The following FBXO7 variants were observed in gnomAD, a reference collection of about 807,000 sequenced individuals.
FBXO7 encodes the protein F-box only protein 7.
Under a neutral mutation model 50.2 loss-of-function variants are expected in FBXO7, and 31 were observed. The observed-to-expected ratio is 0.62, with a 90% CI of 0.46 to 0.83. The LOEUF is 0.83. FBXO7 is among the 40% of genes least tolerant of loss of function. The probability of loss-of-function intolerance (pLI) is 0.00; values close to 1 mark genes in which losing one functional copy is unlikely to be tolerated. For synonymous variants in FBXO7, 256 were observed against 253.1 expected (o/e 1.01, Z -0.11); for missense variants, 667 against 646.6 (o/e 1.03, Z -0.34).
At position 32,493,190 on chromosome 22, in the gene FBXO7, C is replaced by G; in HGVS notation, c.1053C>G (p.Ser351=). ...TCTTCCGACTTCTGGATGTTCGTTC[C>G]GTCTTGTCTTTGTCTGCGGTTTGTC... ...LRIFRLLDVR[S]VLSLSAVCRD... Residue 351 remains serine, a synonymous_variant, in exon 7 of 9, where the codon TCC becomes TCG. Transcript: ENST00000266087. The G allele has an allele frequency of 6.2e-7, 1 of 1,614,128 alleles. No individual in the cohort carries two copies. Among genetic ancestry groups the G allele is most frequent in the East Asian group, 2.2e-5 (1 of 44,874 alleles).
intron 1 of FBXO7, chr22:32,475,664 G>C (rs2057423437): frequency 2.1e-6 from 1 of 486,616 alleles, no homozygotes; most frequent in Non-Finnish European, 3.6e-6. Context: ...AACAATTTTA[G>C]ATTCTGTTGT....
At chr22:32,475,376 C>G (rs1390649093) in intron 1 of FBXO7, 1 of 1,610,962 alleles carries the variant, frequency 6.2e-7, no homozygotes, top group Non-Finnish European at 8.5e-7. Context: ...CCCGGCCTCC[C>G]GGGGGCTCTG....
chr22:32,475,260 G>T, intron 1 of FBXO7, 136 bp downstream of exon 1: 1 of 1,557,936 alleles, frequency 6.4e-7, no homozygotes, highest in South Asian at 1.2e-5. Context: ...GACGCCGGGG[G>T]GGCCTTCACG....
chr22:32,488,834 C>T (rs2267176), intron 5 of FBXO7: 63,272 of 151,822 alleles, frequency 0.42, 13,682 homozygotes, highest in East Asian at 0.69. Context: ...TTTTTTGAGA[C>T]GGAGTCTTGC....
intron 4 of FBXO7, 158 bp from the exon 5 acceptor site, chr22:32,487,587 A>T: frequency 1.7e-6 from 1 of 603,428 alleles, no homozygotes; most frequent in Non-Finnish European, 3.0e-6. Flanking sequence ...TACACTTTTG[A>T]ACTTGCTATC....
Position 32,475,031 on chromosome 22 carries a change from G to A in FBXO7, c.29G>A (p.Arg10Gln), listed in dbSNP as rs770465449. The change falls in exon 1 of 9, where the codon CGG becomes CAG. Residue 10 changes from arginine (R) to glutamine (Q), a missense_variant. By Grantham distance (43) the Arg-to-Gln change is conservative (BLOSUM62 1). Transcript: ENST00000266087. MRLRVRLLK[R>Q]TWPLEVPETE... ...AGGCTGCGGGTGCGGCTTCTGAAGC[G>A]GACCTGGCCGCTGGAGGTGCCCGAG... is the stretch of plus-strand genomic sequence containing the variant. The A allele has an allele frequency of 1.2e-5, 19 of 1,541,508 alleles. No homozygotes were observed. The African/African-American group carries it at 2.1e-4, about 17-fold the overall frequency.
chr22:32,490,902 A>G, intron 5 of FBXO7, 184 bp from the exon 6 acceptor site: 1 of 563,212 alleles, frequency 1.8e-6, no homozygotes, highest in Admixed American at 3.1e-5. Context: ...TTTAGCTTTT[A>G]TATCTAAGAT....
At position 32,498,402 on chromosome 22, in the gene FBXO7, C is replaced by T. The variant is rs148272407; in HGVS notation, c.1441C>T (p.Arg481Cys). ...CAGCCAGTTTCCTCCACTGAGACCA[C>T]GCTTTGATCCAGTTGGCCCACTTCC... Reference protein sequence around the residue: ...TPSQFPPLRPRFDPVGPLPGP... With the variant: ...TPSQFPPLRPCFDPVGPLPGP... The change falls in exon 9 of 9, where the codon CGC (arginine) becomes TGC (cysteine). Residue 481 changes from arginine (R) to cysteine (C), a missense_variant. By Grantham distance (180) the Arg-to-Cys change is radical. Transcript: ENST00000266087. 404 of 1,614,174 alleles carry T rather than the reference C, an allele frequency of 2.5e-4. 6 individuals carry two copies. The Middle Eastern group carries it at 3.5e-3, about 14-fold the overall frequency.
rs780638544 is a variant in FBXO7, at chr22:32,493,263, T to C, written c.1126T>C (p.Tyr376His). The C allele has an allele frequency of 6.2e-7, 1 of 1,614,118 alleles. No homozygotes were observed. The highest frequency in any genetic ancestry group is 1.7e-5 in the Admixed American group (1 of 60,020). Residue 376 changes from tyrosine to histidine, a missense_variant, in exon 7 of 9, where the codon TAT becomes CAT. Physicochemically the swap from Tyr to His is moderately conservative, Grantham distance 83. Transcript: ENST00000266087. Reference protein sequence around the residue: ...SNDPLLWRFLYLRDFRDNTVR... With the variant: ...SNDPLLWRFLHLRDFRDNTVR... ...TGACCCACTCCTGTGGAGGTTTTTA[T>C]ATCTGCGTGATTTTCGAGGTGATTT...
intron 6 of FBXO7, chr22:32,492,281 A>G (rs1218631965): frequency 6.6e-6 from 1 of 152,246 alleles, no homozygotes; most frequent in Non-Finnish European, 1.5e-5. Context: ...CATGTCTATT[A>G]TTACAGTAGT....
intron 5 of FBXO7, 38 bp from the exon 6 acceptor site, chr22:32,491,048 G>C: frequency 6.9e-7 from 1 of 1,454,002 alleles, no homozygotes; most frequent in Non-Finnish European, 9.6e-7. Context: ...TTTTTCACTT[G>C]ATTTTGGGTT....
Position 32,474,886 on chromosome 22 carries a change from C to T in FBXO7, c.-117C>T, listed in dbSNP as rs1601499277. 1 of 1,039,892 alleles carries T rather than the reference C, an allele frequency of 9.6e-7. No individual in the cohort carries two copies. Among genetic ancestry groups the T allele is most frequent in the South Asian group, 1.7e-5 (1 of 59,426 alleles). The allele number at this position is 1,039,892 out of a possible 1,614,324, so 64.4% of individuals were successfully genotyped here. On this transcript the variant is annotated 5_prime_UTR_variant, in exon 1 of 9. Coordinates refer to ENST00000266087, the MANE Select transcript of FBXO7 (RefSeq NM_012179.4). ...TCCCCGTTTCGCCTCAGCTACCCCT[C>T]AGCTCCGGTAGTCGCCAGTCCGGGG...
chr22:32,483,987 C>T lies in FBXO7; in HGVS notation c.508C>T (p.Leu170Phe), dbSNP rs200064513. 3.1e-6 allele frequency: 5 copies of T among 1,614,174 alleles called. No individual in the cohort carries two copies. The Admixed American group carries it at 6.7e-5, about 22-fold the overall frequency. Residue 170 changes from leucine (L) to phenylalanine (F), a missense_variant, in exon 3 of 9, where the codon CTC becomes TTC. By Grantham distance (22) the Leu-to-Phe change is conservative. Transcript: ENST00000266087. Reference protein sequence around the residue: ...GTGFYPSEPMLCSESVEGQVP... With the variant: ...GTGFYPSEPMFCSESVEGQVP... ...AGGTTTCTATCCCTCAGAACCCATG[C>T]TCTGTAGTGAATCGGTGGAAGGGCA... is the stretch of plus-strand genomic sequence containing the variant.
At chr22:32,478,590 C>T (rs1340436385) in intron 1 of FBXO7, among the ~76,000 whole-genome samples, 3 of 152,094 alleles carry the variant, frequency 2.0e-5, no homozygotes, top group South Asian at 2.1e-4. Flanking sequence ...TAGGGTAATG[C>T]GTGCCTATAG....
intron 7 of FBXO7, 118 bp from the exon 8 acceptor site, chr22:32,495,368 GTTTTTTT>G (rs752933430): frequency 1.6e-5 from 8 of 503,014 alleles, no homozygotes; most frequent in Non-Finnish European, 2.4e-5. Context: ...TAAATGGTTA[GTTTTTTT>G]TTTTTTTTAT....
chr22:32,493,403 G>T (rs2057551446), intron 7 of FBXO7, 122 bp downstream of exon 7: 1 of 808,642 alleles, frequency 1.2e-6, no homozygotes. Context: ...TAGCCTTAAA[G>T]AGACTGACTC....
intron 2 of FBXO7, 123 bp from the exon 3 acceptor site, chr22:32,483,774 T>C (rs1274011986): frequency 2.5e-6 from 2 of 814,482 alleles, no homozygotes; most frequent in Non-Finnish European, 4.1e-6. Flanking sequence ...ACTTAAAATG[T>C]CTCCCATTTC....
At chr22:32,497,693 C>G (rs2057583992) in intron 8 of FBXO7, among the ~76,000 whole-genome samples, 1 of 151,442 alleles carries the variant, frequency 6.6e-6, no homozygotes, top group Admixed American at 6.5e-5. Context: ...ACAGAGAAAT[C>G]TTTCATGAAA....
rs1294962827 is a variant in FBXO7 at position 32,484,018 on chromosome 22, C to T, written c.539C>T (p.Pro180Leu). ...AGTGAATCGGTGGAAGGGCAAGTGC[C>T]ACATTCATTAGAGACCTTGTATCAA... ...LCSESVEGQV[P>L]HSLETLYQSA... Residue 180 changes from proline to leucine, a missense_variant, in exon 3 of 9, where the codon CCA (proline) becomes CTA (leucine). Coordinates refer to ENST00000266087, the MANE Select transcript of FBXO7 (RefSeq NM_012179.4). 2 of 1,614,186 alleles carry T rather than the reference C, an allele frequency of 1.2e-6. No homozygotes were observed. Among genetic ancestry groups the T allele is most frequent in the Admixed American group, 3.3e-5 (2 of 60,022 alleles).
Sources: gnomAD v4.1 joint callset for allele counts (sites outside exome capture counted in the v4.1 genomes callset) on GRCh38, gnomAD v4.1.1 for gene constraint, MANE v1.5 for transcripts, NCBI Gene and HGNC (gene_info 2026-07-23, HGNC 2026-07-21) for gene names.